The following UNKL variants were observed in gnomAD, a reference collection of about 807,000 sequenced individuals.
UNKL encodes unk like zinc finger, also known as putative E3 ubiquitin-protein ligase UNKL.
Under a neutral mutation model 78.0 loss-of-function variants are expected in UNKL, and 60 were observed. The observed-to-expected ratio is 0.77, with a 90% CI of 0.63 to 0.95. UNKL has a LOEUF of 0.95. Ranked by LOEUF, UNKL falls within the 40% of genes least tolerant of loss-of-function variation. The probability of loss-of-function intolerance (pLI) is 0.00; values close to 1 mark genes in which losing one functional copy is unlikely to be tolerated. For missense variants in UNKL, 1,159 were observed against 1,045.7 expected (o/e 1.11, Z -1.49); for synonymous variants, 608 against 474.8 (o/e 1.28, Z -3.65).
In UNKL at chr16:1,399,403, C is replaced by T. The variant is rs1158783379; in HGVS notation, c.705G>A (p.Arg235=). The change falls in exon 5 of 15, where the codon AGG becomes AGA. Residue 235 remains arginine, a synonymous_variant. Coordinates refer to ENST00000389221, the MANE Select transcript of UNKL (RefSeq NM_001372107.1). The surrounding 1 kb of genome is among the most constrained non-coding windows in gnomAD (Gnocchi z 5.8). ...ACPHYHNSRD[R]RRNPRRFQYR... ...ACTGGAACCGCCGGGGGTTGCGCCG[C>T]CTGTCCCGGCTATTGTGGTAGTGTG... 6.2e-7 allele frequency: 1 copy of T among 1,602,108 alleles called. No homozygotes were observed. Among genetic ancestry groups the T allele is most frequent in the Admixed American group, 1.7e-5 (1 of 59,310 alleles).
chr16:1,393,063 G>T, intron 7 of UNKL, 87 bp from the exon 8 acceptor site: 1 of 1,346,620 alleles, frequency 7.4e-7, no homozygotes, highest in Non-Finnish European at 1.0e-6. Flanking sequence ...CGTCAGGGCC[G>T]AGTGTGCGCA....
Position 1,392,965 on chromosome 16 carries a change from TC to T in UNKL, c.948del (p.Met317TrpfsTer2). On this transcript the variant is annotated frameshift_variant, in exon 8 of 15. Transcript: ENST00000389221. LOFTEE classifies it high-confidence loss of function. ...CAFAHVEKSL[G>X]MVNEWGCHDL... ...TCGTGACAGCCCCATTCATTCACCA[TC>T]CCCAGGCTCTCTGCAAGGACAGGGG... is the stretch of plus-strand genomic sequence containing the variant. 6.4e-7 allele frequency: 1 copy of T among 1,550,390 alleles called. No homozygotes were observed. Among genetic ancestry groups the T allele is most frequent in the Non-Finnish European group, 8.7e-7 (1 of 1,146,954 alleles).
At chr16:1,413,213 C>T (rs2038120886) in intron 2 of UNKL, among the ~76,000 whole-genome samples, 1 of 133,678 alleles carries the variant, frequency 7.5e-6, no homozygotes, top group Non-Finnish European at 1.5e-5. Flanking sequence ...CATTGCACTC[C>T]AGCCCCAGCG....
chr16:1,396,571 G>A (rs1188321663), intron 6 of UNKL, among the ~76,000 whole-genome samples: 1 of 151,924 alleles, frequency 6.6e-6, no homozygotes, highest in Admixed American at 6.6e-5. Context: ...CACCGTGCCT[G>A]GCCTGAATAT....
rs1596758118 is a variant in UNKL at position 1,403,432 on chromosome 16, G to A, written c.288-88C>T. ...CTGGGTCCACGCCCTGTCAGCACGTGGCAAGCAGTGAATTCCCTTCCCTTC... is the reference window on the plus strand; with the variant it reads ...CTGGGTCCACGCCCTGTCAGCACGTAGCAAGCAGTGAATTCCCTTCCCTTC... On this transcript the variant is annotated intron_variant, in intron 2 of 14. Transcript: ENST00000389221. This position sits in a 1 kb window ranked among gnomAD's most constrained non-coding sequence, Gnocchi z 4.8. 1 of 1,441,546 alleles carries A rather than the reference G, an allele frequency of 6.9e-7. No homozygotes were observed. The highest frequency in any genetic ancestry group is 1.3e-5 in the South Asian group (1 of 74,784). 89.3% of individuals were successfully genotyped at this position (1,441,546 alleles called of 1,614,324 possible).
intron 3 of UNKL, among the ~76,000 whole-genome samples, chr16:1,402,711 G>A (rs1418422766): frequency 6.6e-6 from 1 of 151,828 alleles, no homozygotes; most frequent in Non-Finnish European, 1.5e-5. Context: ...CCAGAGGCCA[G>A]GCGCAGTGGC....
chr16:1,396,260 G>A (rs1209277598), intron 6 of UNKL, among the ~76,000 whole-genome samples: 1 of 133,662 alleles, frequency 7.5e-6, no homozygotes, highest in African/African-American at 2.8e-5. Context: ...GTTTTGTTTT[G>A]TTTTTTTTCC....
chr16:1,386,061 G>C (rs769689786), intron 9 of UNKL, among the ~76,000 whole-genome samples: 3 of 152,238 alleles, frequency 2.0e-5, no homozygotes, highest in Non-Finnish European at 4.4e-5. Context: ...CGACACAAAA[G>C]ACCCAGAGCC....
rs2036620440 is a variant in UNKL, at chr16:1,381,896, C to A, written c.1264+3312G>T. ...GGAGTTGGAGGCTGCAGCGAGCTGA[C>A]TGTACCACTGCACTCCTGCCTGGGT... On this transcript the variant is annotated intron_variant, in intron 10 of 14. Coordinates refer to ENST00000389221, the MANE Select transcript of UNKL (RefSeq NM_001372107.1). Among the ~76,000 whole-genome samples the A allele has an allele frequency of 1.3e-5, 2 of 152,270 alleles. 1 individual carries two copies. The highest frequency in any genetic ancestry group is 4.1e-4 in the South Asian group (2 of 4,826).
In UNKL at chr16:1,366,176, G is replaced by A; in HGVS notation, c.*64C>T. On this transcript the variant is annotated 3_prime_UTR_variant, in exon 15 of 15. Coordinates refer to ENST00000389221, the MANE Select transcript of UNKL (RefSeq NM_001372107.1). Reference sequence around the variant, plus strand: ...TGGCACCAGAAGCGAGTGACGACATGTCCGTGGTCAGGAGGAGCGCTGGAG... The same window carrying A: ...TGGCACCAGAAGCGAGTGACGACATATCCGTGGTCAGGAGGAGCGCTGGAG... The A allele has an allele frequency of 1.4e-6, 2 of 1,423,668 alleles. No individual in the cohort carries two copies. The highest frequency in any genetic ancestry group is 1.5e-5 in the South Asian group (1 of 67,300). The allele number at this position is 1,423,668 out of a possible 1,614,324, so 88.2% of individuals were successfully genotyped here.
chr16:1,409,293 C>T (rs186427056), intron 2 of UNKL, among the ~76,000 whole-genome samples: 679 of 152,190 alleles, frequency 4.5e-3, no homozygotes, highest in Non-Finnish European at 7.8e-3. Context: ...TTTACAAATT[C>T]CGAGGCAACC....
chr16:1,410,962 G>A (rs568424409), intron 2 of UNKL, among the ~76,000 whole-genome samples: 3 of 152,262 alleles, frequency 2.0e-5, no homozygotes, highest in African/African-American at 7.2e-5. Context: ...CGGGTGTGGT[G>A]GTTTGCACCT....
chr16:1,390,992 T>G (rs1442667946), intron 8 of UNKL, among the ~76,000 whole-genome samples: 1 of 151,604 alleles, frequency 6.6e-6, no homozygotes, highest in Non-Finnish European at 1.5e-5. Context: ...ATGGCACCAT[T>G]GCACTCCAGC....
chr16:1,377,791 T>C (rs1260580755), intron 10 of UNKL, among the ~76,000 whole-genome samples: 1 of 152,122 alleles, frequency 6.6e-6, no homozygotes, highest in African/African-American at 2.4e-5. Flanking sequence ...ATGGCCCCAC[T>C]GCAGGCCCTT....
At chr16:1,412,775 T>A (rs2038099204) in intron 2 of UNKL, among the ~76,000 whole-genome samples, 1 of 151,036 alleles carries the variant, frequency 6.6e-6, no homozygotes, top group African/African-American at 2.4e-5. Flanking sequence ...CTTCAAAACC[T>A]GGCCGGGCGC....
chr16:1,368,058 C>CTTCTTTA, intron 12 of UNKL, 200 bp from the exon 13 acceptor site: 1 of 598,034 alleles, frequency 1.7e-6, no homozygotes, highest in East Asian at 2.8e-5. Context: ...CTGACAGTGA[C>CTTCTTTA]ACCTGCCCCG....
At position 1,403,355 on chromosome 16, in the gene UNKL, G is replaced by A. The variant is rs761877145; in HGVS notation, c.288-11C>T. On this transcript the variant is annotated splice_polypyrimidine_tract_variant and intron_variant, in intron 2 of 14. Coordinates refer to ENST00000389221, the MANE Select transcript of UNKL (RefSeq NM_001372107.1). The surrounding 1 kb of genome is among the most constrained non-coding windows in gnomAD (Gnocchi z 4.8). ...TGCAGGTAGGGACACCTGGGGAGCA[G>A]AGAGGCACGCAATGCCTGGTTATCA... is the stretch of plus-strand genomic sequence containing the variant. 2 of 1,613,360 alleles carry A rather than the reference G, an allele frequency of 1.2e-6. No individual in the cohort carries two copies. The highest frequency in any genetic ancestry group is 1.7e-6 in the Non-Finnish European group (2 of 1,179,584).
intron 2 of UNKL, among the ~76,000 whole-genome samples, chr16:1,404,258 T>A (rs558466620): frequency 2.0e-4 from 30 of 152,170 alleles, no homozygotes; most frequent in Non-Finnish European, 3.1e-4. Context: ...ATGTAAGGAC[T>A]GAAACCTTCA....
intron 6 of UNKL, among the ~76,000 whole-genome samples, chr16:1,396,089 G>A (rs891597274): frequency 1.3e-5 from 2 of 151,346 alleles, no homozygotes; most frequent in East Asian, 3.9e-4. Flanking sequence ...CTATAGGCGC[G>A]CACCACTACA....
Sources: allele counts gnomAD v4.1 joint callset (sites outside exome capture counted in the v4.1 genomes callset), GRCh38; gene constraint gnomAD v4.1.1; non-coding constraint Gnocchi (gnomAD v3.1); transcripts MANE v1.5; gene names NCBI Gene and HGNC (gene_info 2026-07-23, HGNC 2026-07-21).